SAMHD1: variants seen among roughly 807,000 people sequenced by gnomAD.
SAMHD1 encodes the protein SAM and HD domain containing deoxynucleoside triphosphate triphosphohydrolase 1.
Under a neutral mutation model 79.6 loss-of-function variants are expected in SAMHD1, and 54 were observed. That is an observed-to-expected ratio of 0.68 (90% CI 0.55 to 0.85). The LOEUF is 0.85. SAMHD1 is among the 40% of genes least tolerant of loss of function. The pLI is 0.00. For synonymous variants in SAMHD1, 260 were observed against 264.1 expected, an observed-to-expected ratio of 0.98 and a Z score of 0.15; for missense variants, 663 against 782.7, an observed-to-expected ratio of 0.85 and a Z score of 1.82.
At position 36,951,548 on chromosome 20, in the gene SAMHD1, CCAGT is replaced by C. The variant is rs2063734709; in HGVS notation, c.92_95del (p.Asp31GlyfsTer34). The C allele has an allele frequency of 6.2e-7, 1 of 1,614,102 alleles. No individual in the cohort carries two copies. The highest frequency in any genetic ancestry group is 1.1e-5 in the South Asian group (1 of 91,092). On this transcript the variant is annotated frameshift_variant, in exon 1 of 16. Coordinates refer to ENST00000646673, the MANE Select transcript of SAMHD1 (RefSeq NM_015474.4). LOFTEE classifies it high-confidence loss of function. ...CGGGATGGAGTTCCAGGCCCGGGGA[CCAGT>C]CTGCCTCTGCGGAAGGGGTGTTTGA...
intron 5 of SAMHD1, among the ~76,000 whole-genome samples, chr20:36,929,050 C>T (rs2146129992): frequency 6.7e-6 from 1 of 150,326 alleles, no homozygotes. Flanking sequence ...GAGCGAGACT[C>T]CATCTGAAAA....
At chr20:36,921,392 CAAA>C (rs34384942) in intron 6 of SAMHD1, among the ~76,000 whole-genome samples, 2 of 55,080 alleles carry the variant, frequency 3.6e-5, no homozygotes, top group African/African-American at 7.4e-5. Context: ...GACTCTGTCT[CAAA>C]AAAAAAAAAA....
intron 9 of SAMHD1, 155 bp downstream of exon 9, chr20:36,916,567 G>C: frequency 7.3e-6 from 5 of 685,300 alleles, no homozygotes; most frequent in Non-Finnish European, 1.3e-5. Flanking sequence ...ATTTAATAAT[G>C]CAGTAGAAGG....
intron 15 of SAMHD1, among the ~76,000 whole-genome samples, chr20:36,896,749 C>T (rs189696227): frequency 2.0e-5 from 3 of 152,010 alleles, no homozygotes; most frequent in Non-Finnish European, 2.9e-5. Context: ...GCAGGGGAAT[C>T]GCTTGAACCT....
intron 3 of SAMHD1, among the ~76,000 whole-genome samples, chr20:36,937,842 G>T (rs6130150): frequency 0.15 from 21,490 of 147,400 alleles, 2,403 homozygotes; most frequent in East Asian, 0.45. Flanking sequence ...TATAAATGAG[G>T]TTAAACAATG....
At chr20:36,944,610 T>C (rs1192572780) in intron 2 of SAMHD1, among the ~76,000 whole-genome samples, 8 of 152,174 alleles carry the variant, frequency 5.3e-5, no homozygotes, top group Non-Finnish European at 1.2e-4. Context: ...AAGAAGTATT[T>C]AAGGCCGGTC....
Position 36,946,779 on chromosome 20 carries a change from C to T in SAMHD1, c.234G>A (p.Leu78=). 1 of 1,612,960 alleles carries T rather than the reference C, an allele frequency of 6.2e-7. No individual in the cohort carries two copies. ...IRENEITGAL[L]PCLDESRFEN... ...CAAAACGAGACTCATCAAGACAAGG[C>T]AGTAATGCGCCTGTGATTTCATTTT... The change falls in exon 2 of 16, where the codon CTG becomes CTA. Residue 78 remains leucine, a synonymous_variant. Coordinates refer to ENST00000646673, the MANE Select transcript of SAMHD1 (RefSeq NM_015474.4).
intron 5 of SAMHD1, among the ~76,000 whole-genome samples, chr20:36,929,460 C>T (rs12481274): frequency 0.015 from 2,222 of 152,126 alleles, 24 homozygotes; most frequent in Middle Eastern, 0.061. Context: ...CCCGGCCCAA[C>T]GTGGTGACTT....
chr20:36,915,733 T>C (rs1160158875), intron 9 of SAMHD1, among the ~76,000 whole-genome samples: 2 of 143,770 alleles, frequency 1.4e-5, no homozygotes, highest in Non-Finnish European at 3.0e-5. Context: ...GGAGACTCCA[T>C]CTCCAAAAAA....
Position 36,905,774 on chromosome 20 carries a change from C to A in SAMHD1, c.1271-271G>T, listed in dbSNP as rs533471691. ...TCACTTGAGGTAAGGAGTTCAAGAC[C>A]AGCCTGTCCAACATGGTGAAATCCT... On this transcript the variant is annotated intron_variant, in intron 11 of 15. Transcript: ENST00000646673. Among the ~76,000 whole-genome samples, 5 of 152,178 alleles carry A rather than the reference C, an allele frequency of 3.3e-5. No homozygotes were observed. The South Asian group carries it at 1.0e-3, about 32-fold the overall frequency.
chr20:36,905,297 G>C, intron 12 of SAMHD1, 67 bp downstream of exon 12: 2 of 1,510,600 alleles, frequency 1.3e-6, no homozygotes, highest in Non-Finnish European at 1.8e-6. Context: ...TATCACGATA[G>C]GTTAGTGGTC....
At chr20:36,918,711 A>C (rs2063488873) in intron 7 of SAMHD1, among the ~76,000 whole-genome samples, 1 of 149,878 alleles carries the variant, frequency 6.7e-6, no homozygotes, top group Non-Finnish European at 1.5e-5. Context: ...CTGAAGCAGA[A>C]GAATTGCTTG....
At chr20:36,898,875 G>A (rs1267567656) in intron 13 of SAMHD1, among the ~76,000 whole-genome samples, 1 of 135,914 alleles carries the variant, frequency 7.4e-6, no homozygotes, top group Non-Finnish European at 1.5e-5. Context: ...TCGCACCACT[G>A]CACTCCAGCC....
At chr20:36,947,113 A>C in intron 1 of SAMHD1, 1 of 306,796 alleles carries the variant, frequency 3.3e-6, no homozygotes, top group South Asian at 3.2e-5. Flanking sequence ...TTGCCAGGTC[A>C]GCAGCTTTGA....
In SAMHD1 at chr20:36,892,977, T is replaced by G; in HGVS notation, c.1836A>C (p.Glu612Asp). 1 of 1,614,112 alleles carries G rather than the reference T, an allele frequency of 6.2e-7. No individual in the cohort carries two copies. The highest frequency in any genetic ancestry group is 8.5e-7 in the Non-Finnish European group (1 of 1,180,028). Residue 612 changes from glutamate (E) to aspartate (D), a missense_variant, in exon 16 of 16, where the codon GAA (glutamate) becomes GAC (aspartate). By Grantham distance (45) the Glu-to-Asp change is conservative. Transcript: ENST00000646673. ...TSVQNPTRLR[E>D]ASKSRVQLFK... Reference sequence around the variant, plus strand: ...AAAGCTGGACTCTGCTTTTGGATGCTTCTCGGAGGCGAGTTGGATTTTGGA... The same window carrying G: ...AAAGCTGGACTCTGCTTTTGGATGCGTCTCGGAGGCGAGTTGGATTTTGGA...
chr20:36,920,712 G>C (rs1280014427), intron 6 of SAMHD1, among the ~76,000 whole-genome samples: 1 of 150,448 alleles, frequency 6.6e-6, no homozygotes, highest in Non-Finnish European at 1.5e-5. Flanking sequence ...GCAGTGAGCC[G>C]AGATCGCCCT....
chr20:36,911,888 T>G, intron 10 of SAMHD1: 1 of 174,756 alleles, frequency 5.7e-6, no homozygotes, highest in East Asian at 1.5e-4. Flanking sequence ...AGAAGTAACT[T>G]GACTCACACC....
At chr20:36,934,401 G>C (rs922082117) in intron 4 of SAMHD1, among the ~76,000 whole-genome samples, 14 of 149,452 alleles carry the variant, frequency 9.4e-5, no homozygotes, top group Non-Finnish European at 1.6e-4. Context: ...GTGGGCGCCT[G>C]TAATCCCAGC....
intron 7 of SAMHD1, 107 bp downstream of exon 7, chr20:36,919,257 T>G: frequency 9.5e-7 from 1 of 1,047,826 alleles, no homozygotes; most frequent in Non-Finnish European, 1.4e-6. Flanking sequence ...GAACTCATAT[T>G]TTATCATTTA....
Sources: allele counts gnomAD v4.1 joint callset (sites outside exome capture counted in the v4.1 genomes callset), GRCh38; gene constraint gnomAD v4.1.1; transcripts MANE v1.5; gene names NCBI Gene and HGNC (gene_info 2026-07-23, HGNC 2026-07-21).